The following BIRC6 variants were observed in gnomAD, a reference collection of about 807,000 sequenced individuals.
BIRC6 encodes baculoviral IAP repeat containing 6, also known as dual E2 ubiquitin-conjugating enzyme/E3 ubiquitin-protein ligase BIRC6.
Under a neutral mutation model 503.3 loss-of-function variants are expected in BIRC6, and 98 were observed. The ratio of observed to expected loss-of-function variants is 0.19; its 90% CI spans 0.17 to 0.23. The LOEUF (loss-of-function observed/expected upper bound fraction) is 0.23. Among genes scored for constraint, BIRC6 ranks in the 10% least tolerant of loss-of-function variants. The pLI is 1.00. For missense variants in BIRC6, 5,360 were observed against 5,806.0 expected (o/e 0.92, Z 2.50); for synonymous variants, 2,240 against 2,078.7 (o/e 1.08, Z -2.11).
chr2:32,434,189 T>TA (rs2044432862), intron 13 of BIRC6, among the ~76,000 whole-genome samples: 1 of 152,212 alleles, frequency 6.6e-6, no homozygotes, highest in Non-Finnish European at 1.5e-5. Context: ...CATGTAATGC[T>TA]AAAAATACAC....
chr2:32,482,706 G>GATA, intron 39 of BIRC6, 124 bp downstream of exon 39: 2 of 976,810 alleles, frequency 2.0e-6, no homozygotes, highest in Non-Finnish European at 3.0e-6. Flanking sequence ...TCACAGCTGT[G>GATA]CCGTGAGTAC....
intron 55 of BIRC6, 148 bp downstream of exon 55, chr2:32,515,918 C>A: frequency 1.4e-6 from 1 of 734,868 alleles, no homozygotes; most frequent in Non-Finnish European, 2.2e-6. Flanking sequence ...CTCCTTTCTC[C>A]CCCTCAAAAT....
chr2:32,485,590 G>A (rs2050900202), intron 39 of BIRC6, 53 bp from the exon 40 acceptor site: 2 of 1,179,640 alleles, frequency 1.7e-6, no homozygotes, highest in Non-Finnish European at 1.3e-6. Context: ...TAGGAGGTAG[G>A]ACATGAGTAA....
chr2:32,565,120 A>T (rs1449662168), intron 65 of BIRC6: 2 of 152,202 alleles, frequency 1.3e-5, no homozygotes, highest in East Asian at 1.9e-4. Context: ...ATCTGCAGGG[A>T]TCTTCCCTCT....
intron 22 of BIRC6, among the ~76,000 whole-genome samples, chr2:32,449,814 C>T (rs536761928): frequency 1.3e-5 from 2 of 152,270 alleles, no homozygotes; most frequent in African/African-American, 2.4e-5. Flanking sequence ...AACCTGTATT[C>T]GTTAATATAG....
intron 12 of BIRC6, among the ~76,000 whole-genome samples, chr2:32,431,772 T>C (rs2044151552): frequency 2.0e-5 from 3 of 152,234 alleles, no homozygotes; most frequent in South Asian, 2.1e-4. Flanking sequence ...GGCACTCTTA[T>C]AGTCACTAGT....
intron 49 of BIRC6, 104 bp downstream of exon 49, chr2:32,503,340 A>G (rs529021513): frequency 8.8e-6 from 8 of 910,452 alleles, no homozygotes; most frequent in South Asian, 8.7e-5. Flanking sequence ...ATATATCACT[A>G]TTTTAATTAC....
At chr2:32,598,459 T>C (rs1280022848) in intron 69 of BIRC6, among the ~76,000 whole-genome samples, 1 of 152,182 alleles carries the variant, frequency 6.6e-6, no homozygotes, top group Admixed American at 6.5e-5. Context: ...TTCTGTCTTT[T>C]CTAGGAAATT....
intron 73 of BIRC6, among the ~76,000 whole-genome samples, chr2:32,615,621 G>T (rs2063177790): frequency 6.6e-6 from 1 of 151,902 alleles, no homozygotes; most frequent in Non-Finnish European, 1.5e-5. Context: ...ACACTATTTA[G>T]TTTTTATTTA....
intron 66 of BIRC6, among the ~76,000 whole-genome samples, chr2:32,576,809 A>C (rs536578369): frequency 6.6e-6 from 1 of 152,298 alleles, no homozygotes; most frequent in South Asian, 2.1e-4. Context: ...TGGGTGAATT[A>C]TATGGTGGTG....
chr2:32,505,674 A>T (rs569882993), intron 50 of BIRC6, among the ~76,000 whole-genome samples: 2 of 152,330 alleles, frequency 1.3e-5, no homozygotes, highest in East Asian at 3.9e-4. Flanking sequence ...TTTAAGATTC[A>T]TACTGTGTTT....
intron 1 of BIRC6, among the ~76,000 whole-genome samples, chr2:32,369,940 AAAAAAATATATATAT>A (rs1395538405): frequency 6.0e-5 from 3 of 50,208 alleles, no homozygotes; most frequent in African/African-American, 3.2e-4. Context: ...AAAAAAAAAA[AAAAAAATATATATAT>A]ATATATATAT....
intron 50 of BIRC6, among the ~76,000 whole-genome samples, chr2:32,505,834 A>G (rs190421074): frequency 9.2e-5 from 14 of 152,320 alleles, no homozygotes; most frequent in Admixed American, 5.2e-4. Context: ...TCAAGTATTT[A>G]TAAAGAATAT....
chr2:32,554,985 T>G (rs929419332), intron 65 of BIRC6, among the ~76,000 whole-genome samples: 5 of 152,022 alleles, frequency 3.3e-5, no homozygotes, highest in Non-Finnish European at 5.9e-5. Flanking sequence ...GACATAGAAA[T>G]TGTATTAGTG....
chr2:32,380,319 G>T, intron 3 of BIRC6, 29 bp downstream of exon 3: 2 of 1,565,928 alleles, frequency 1.3e-6, no homozygotes, highest in South Asian at 1.2e-5. Flanking sequence ...GCCTCTTTTG[G>T]GGTTATATTA....
chr2:32,527,714 T>C (rs1363287261), intron 59 of BIRC6: 1 of 152,374 alleles, frequency 6.6e-6, no homozygotes, highest in Non-Finnish European at 1.5e-5. Flanking sequence ...GTAAAAAATA[T>C]ACCTTCAGAG....
At chr2:32,580,884 A>T (rs544481492) in intron 66 of BIRC6, among the ~76,000 whole-genome samples, 6 of 152,332 alleles carry the variant, frequency 3.9e-5, no homozygotes, top group Non-Finnish European at 5.9e-5. Context: ...TATTTGTCTT[A>T]AAAAGCAATC....
At chr2:32,384,255 C>G (rs1238486982) in intron 3 of BIRC6, among the ~76,000 whole-genome samples, 1 of 152,196 alleles carries the variant, frequency 6.6e-6, no homozygotes, top group Non-Finnish European at 1.5e-5. Flanking sequence ...TAAGGTAGAA[C>G]TCCATAACCT....
chr2:32,392,984 G>A (rs939872442), intron 5 of BIRC6, among the ~76,000 whole-genome samples: 1 of 151,896 alleles, frequency 6.6e-6, no homozygotes, highest in Non-Finnish European at 1.5e-5. Context: ...CTTCAGATTT[G>A]GTTTCTGACA....
Sources: allele counts gnomAD v4.1 joint callset (sites outside exome capture counted in the v4.1 genomes callset), GRCh38; gene constraint gnomAD v4.1.1; transcripts MANE v1.5; gene names NCBI Gene and HGNC (gene_info 2026-07-23, HGNC 2026-07-21).